ACACB: variants seen among roughly 807,000 people sequenced by gnomAD.
ACACB encodes acetyl-CoA carboxylase 2.
Under a neutral mutation model 278.8 loss-of-function variants are expected in ACACB, and 209 were observed. The ratio of observed to expected loss-of-function variants is 0.75; its 90% CI spans 0.67 to 0.84. The LOEUF (loss-of-function observed/expected upper bound fraction) is 0.84. Among genes scored for constraint, ACACB ranks in the 40% least tolerant of loss-of-function variants. ACACB has a pLI of 0.00. For synonymous variants in ACACB, 1,174 were observed against 1,285.6 expected, an observed-to-expected ratio of 0.91 and a Z score of 1.86; for missense variants, 2,850 against 3,269.0, an observed-to-expected ratio of 0.87 and a Z score of 3.13.
rs1565857254 is a variant in ACACB, at chr12:109,140,243, C to CA, written c.653+185_653+186insA. 9.1e-4 allele frequency among the ~76,000 whole-genome samples: 116 copies of CA among 127,134 alleles called. 8 individuals carry two copies. Among genetic ancestry groups the CA allele is most frequent in the African/African-American group, 2.9e-3 (106 of 36,566 alleles). The allele number at this position is 127,134 out of a possible 152,430, so 83.4% of individuals were successfully genotyped here. A position where few individuals can be genotyped will look rare whatever the true frequency, so the allele number is the denominator to read the frequency against. ...CCTTCCTTCCTTCCTTCCTTCCTTC[C>CA]TTCCTTCCTTCCATCCTTCCTTCCT... On this transcript the variant is annotated intron_variant, in intron 2 of 52. Coordinates refer to ENST00000338432, the MANE Select transcript of ACACB (RefSeq NM_001093.4).
At chr12:109,262,594 G>A in intron 49 of ACACB, 125 bp downstream of exon 49, 1 of 604,046 alleles carries the variant, frequency 1.7e-6, no homozygotes. Flanking sequence ...TAATAACTGT[G>A]AGATTTTTAA....
chr12:109,211,487 A>G (rs1244206414), intron 21 of ACACB, among the ~76,000 whole-genome samples: 1 of 151,924 alleles, frequency 6.6e-6, no homozygotes, highest in Non-Finnish European at 1.5e-5. Context: ...TCCTGACCTC[A>G]GGTGATCTGC....
chr12:109,186,143 C>T (rs893842524), intron 12 of ACACB, among the ~76,000 whole-genome samples: 1 of 152,022 alleles, frequency 6.6e-6, no homozygotes, highest in African/African-American at 2.4e-5. Context: ...ATTGGCCAGG[C>T]TGGTCTGGAA....
chr12:109,196,273 C>T (rs1469652930), intron 16 of ACACB, among the ~76,000 whole-genome samples: 1 of 152,158 alleles, frequency 6.6e-6, no homozygotes, highest in Non-Finnish European at 1.5e-5. Flanking sequence ...AGCCCTAGTC[C>T]ATGTCCAGGT....
chr12:109,145,912 G>A (rs2043232076), intron 2 of ACACB, among the ~76,000 whole-genome samples: 2 of 152,082 alleles, frequency 1.3e-5, no homozygotes, highest in South Asian at 4.1e-4. Context: ...AGGAGGCTGA[G>A]TTAGGAGAAT....
chr12:109,179,354 C>A, intron 10 of ACACB, 57 bp downstream of exon 10: 1 of 1,547,268 alleles, frequency 6.5e-7, no homozygotes, highest in South Asian at 1.2e-5. Flanking sequence ...AGCTCAGAGT[C>A]AGGAAGAACT....
chr12:109,266,907 T>TA lies in ACACB; in HGVS notation c.*545_*546insA, dbSNP rs1555239523. On this transcript the variant is annotated 3_prime_UTR_variant, in exon 53 of 53. Coordinates refer to ENST00000338432, the MANE Select transcript of ACACB (RefSeq NM_001093.4). ...CACCCAGAAAAATGTATGGATGAAT[T>TA]TTTTTTTTTTTTTTTGAGACAAAGT... is the stretch of plus-strand genomic sequence containing the variant. 2 of 148,182 alleles carry TA rather than the reference T, an allele frequency of 1.3e-5. No homozygotes were observed. The highest frequency in any genetic ancestry group is 3.0e-5 in the Non-Finnish European group (2 of 67,016). 9.2% of individuals were successfully genotyped at this position (148,182 alleles called of 1,614,324 possible).
chr12:109,199,494 A>G lies in ACACB; in HGVS notation c.2720A>G (p.Gln907Arg), dbSNP rs757903127. 6 of 1,563,340 alleles carry G rather than the reference A, an allele frequency of 3.8e-6. No homozygotes were observed. In the South Asian group the frequency reaches 6.0e-5, roughly 16 times the overall value. ...LRSPSAGKLTQYTVEDGGHVE... is the reference protein window; with the variant it reads ...LRSPSAGKLTRYTVEDGGHVE... ...TCCCCCTCGGCTGGGAAGCTGACAC[A>G]GTACACAGTGGAGGATGGGGGCCAC... The change falls in exon 18 of 53, where the codon CAG becomes CGG. Residue 907 changes from glutamine to arginine, a missense_variant. This residue lies in a region of ACACB where 2,265 missense variants were observed against 2,561.3 expected (regional missense o/e 0.88). Coordinates refer to ENST00000338432, the MANE Select transcript of ACACB (RefSeq NM_001093.4).
chr12:109,229,131 T>C (rs2136571821), intron 28 of ACACB, among the ~76,000 whole-genome samples: 1 of 152,184 alleles, frequency 6.6e-6, no homozygotes, highest in African/African-American at 2.4e-5. Context: ...TTAGTAGAGA[T>C]GGGGTTTCAT....
intron 12 of ACACB, among the ~76,000 whole-genome samples, chr12:109,186,809 G>A (rs1784742324): frequency 6.6e-6 from 1 of 152,070 alleles, no homozygotes; most frequent in Non-Finnish European, 1.5e-5. Flanking sequence ...GAGGGATGAT[G>A]GCTCGTTCCC....
chr12:109,131,331 A>T (rs969338061), intron 1 of ACACB: 2 of 152,698 alleles, frequency 1.3e-5, no homozygotes, highest in African/African-American at 4.8e-5. Context: ...CTCCCGCTGA[A>T]AGGTGACACT....
intron 11 of ACACB, among the ~76,000 whole-genome samples, chr12:109,183,804 T>C (rs74419984): frequency 0.047 from 7,098 of 152,268 alleles, 217 homozygotes; most frequent in Non-Finnish European, 0.067. Flanking sequence ...GTTTTCTTCC[T>C]TCCTTCCTTC....
At position 109,201,704 on chromosome 12, in the gene ACACB, A is replaced by G. The variant is rs760237664; in HGVS notation, c.2913+3A>G. The G allele has an allele frequency of 1.9e-6, 3 of 1,613,382 alleles. No individual in the cohort carries two copies. The highest frequency in any genetic ancestry group is 2.2e-5 in the South Asian group (2 of 90,990). Reference sequence around the variant, plus strand: ...ATGACCCTTCTAAAGTCCACCCGGTATGTGGCTCCACGGCCCAAGTGCTCT... The same window carrying G: ...ATGACCCTTCTAAAGTCCACCCGGTGTGTGGCTCCACGGCCCAAGTGCTCT... On this transcript the variant is annotated splice_donor_region_variant and intron_variant, in intron 19 of 52. Coordinates refer to ENST00000338432, the MANE Select transcript of ACACB (RefSeq NM_001093.4).
chr12:109,248,980 AT>A (rs1266241182), intron 40 of ACACB: 2 of 152,198 alleles, frequency 1.3e-5, no homozygotes, highest in Admixed American at 1.3e-4. Context: ...CGAGGGTGAT[AT>A]TTCACTGAGA....
At position 109,237,360 on chromosome 12, in the gene ACACB, C is replaced by T. The variant is rs756007626; in HGVS notation, c.4642C>T (p.His1548Tyr). 6.2e-7 allele frequency: 1 copy of T among 1,614,106 alleles called. No homozygotes were observed. Among genetic ancestry groups the T allele is most frequent in the Admixed American group, 1.7e-5 (1 of 60,002 alleles). Reference sequence around the variant, plus strand: ...GTTCTTCATCCGCGCCATCATCAGGCACTCTGACCTGATCACAAAGGTAAG... The same window carrying T: ...GTTCTTCATCCGCGCCATCATCAGGTACTCTGACCTGATCACAAAGGTAAG... ...HRFFIRAIIR[H>Y]SDLITKEASF... The change falls in exon 34 of 53, where the codon CAC becomes TAC. Residue 1548 changes from histidine (H) to tyrosine (Y), a missense_variant. Physicochemically the swap from His to Tyr is moderately conservative, Grantham distance 83. Coordinates refer to ENST00000338432, the MANE Select transcript of ACACB (RefSeq NM_001093.4).
chr12:109,174,312 C>A, intron 7 of ACACB, 82 bp downstream of exon 7: 2 of 1,059,046 alleles, frequency 1.9e-6, no homozygotes, highest in Non-Finnish European at 2.6e-6. Context: ...CAGAAGTATG[C>A]TTGTAACAAT....
intron 1 of ACACB, among the ~76,000 whole-genome samples, chr12:109,130,438 A>C (rs916296106): frequency 1.3e-5 from 2 of 152,214 alleles, no homozygotes; most frequent in Non-Finnish European, 2.9e-5. Context: ...TTGGCCGCCA[A>C]TCATGCCTCA....
intron 37 of ACACB, among the ~76,000 whole-genome samples, chr12:109,245,084 T>C (rs1209691361): frequency 1.3e-5 from 2 of 149,700 alleles, no homozygotes; most frequent in Non-Finnish European, 3.0e-5. Flanking sequence ...ACCCGGGAGG[T>C]TGAGGCAGGA....
intron 21 of ACACB, among the ~76,000 whole-genome samples, chr12:109,209,844 CGTGT>C (rs1199675342): frequency 2.9e-4 from 40 of 138,902 alleles, no homozygotes; most frequent in Admixed American, 2.1e-4. Context: ...CATACACACA[CGTGT>C]GTATATATGT....
Sources: gnomAD v4.1 joint callset for allele counts (sites outside exome capture counted in the v4.1 genomes callset) on GRCh38, gnomAD v4.1.1 for gene constraint, gnomAD v4.1.1 regional missense constraint, MANE v1.5 for transcripts, NCBI Gene and HGNC (gene_info 2026-07-23, HGNC 2026-07-21) for gene names.